Variants in FGGY observed in about 807,000 individuals in gnomAD.
The protein encoded by FGGY is FGGY carbohydrate kinase domain containing.
In FGGY, 72 loss-of-function variants were observed where a neutral mutation model predicts 71.3. The ratio of observed to expected loss-of-function variants is 1.01; its 90% confidence interval spans 0.84 to 1.23. The LOEUF (loss-of-function observed/expected upper bound fraction) is 1.23, where lower values mean the gene tolerates loss of function less well. FGGY is among the 50% of genes most tolerant of loss of function. FGGY has a pLI of 0.00. For missense variants in FGGY, 668 were observed against 682.3 expected (o/e 0.98, Z 0.23); for synonymous variants, 251 against 250.3 (o/e 1.00, Z -0.02).
At chr1:59,521,530 A>G (rs932917102) in intron 7 of FGGY, among the ~76,000 whole-genome samples, 16 of 152,180 alleles carry the variant, frequency 1.1e-4, no homozygotes, top group Admixed American at 2.6e-4. Context: ...TGAACCTGCC[A>G]TGAAACCATA....
chr1:59,424,959 GAA>G (rs1305186741), intron 5 of FGGY, among the ~76,000 whole-genome samples: 1 of 152,190 alleles, frequency 6.6e-6, no homozygotes. Flanking sequence ...TGCTCTATTG[GAA>G]AGAATATGGG....
At chr1:59,672,126 G>A (rs897583080) in intron 13 of FGGY, among the ~76,000 whole-genome samples, 6 of 152,162 alleles carry the variant, frequency 3.9e-5, no homozygotes, top group Admixed American at 1.3e-4. Context: ...ATTCTTCAAC[G>A]GCTTGCAGTG....
At chr1:59,749,936 T>C (rs2098231412) in intron 14 of FGGY, among the ~76,000 whole-genome samples, 1 of 152,230 alleles carries the variant, frequency 6.6e-6, no homozygotes, top group African/African-American at 2.4e-5. Flanking sequence ...GCCCTTTATT[T>C]TCTCTGCTTC....
chr1:59,452,650 G>T (rs961800617), intron 5 of FGGY, among the ~76,000 whole-genome samples: 1 of 152,158 alleles, frequency 6.6e-6, no homozygotes, highest in Non-Finnish European at 1.5e-5. Context: ...TAGGTTTTTA[G>T]TATCTATTCT....
intron 5 of FGGY, among the ~76,000 whole-genome samples, chr1:59,393,721 GT>G (rs1011553399): frequency 6.6e-6 from 1 of 152,124 alleles, no homozygotes; most frequent in East Asian, 1.9e-4. Flanking sequence ...GATTGAATGT[GT>G]TTTTTTGTTG....
intron 8 of FGGY, among the ~76,000 whole-genome samples, chr1:59,590,445 A>C (rs1430560509): frequency 1.3e-5 from 2 of 152,230 alleles, no homozygotes; most frequent in Non-Finnish European, 2.9e-5. Context: ...TTATGAGGCC[A>C]GAATCATCCT....
chr1:59,486,033 T>G (rs1188236), intron 6 of FGGY, among the ~76,000 whole-genome samples: 78,042 of 152,022 alleles, frequency 0.51, 20,672 homozygotes, highest in African/African-American at 0.64. Flanking sequence ...CTAATTATGT[T>G]AGTTGGCCTC....
intron 4 of FGGY, among the ~76,000 whole-genome samples, chr1:59,376,131 C>T (rs1409787223): frequency 6.6e-6 from 1 of 152,158 alleles, no homozygotes; most frequent in Non-Finnish European, 1.5e-5. Flanking sequence ...GTCTCAAAGG[C>T]TACCATTTTC....
At chr1:59,513,621 A>G (rs551537893) in intron 7 of FGGY, among the ~76,000 whole-genome samples, 1 of 152,370 alleles carries the variant, frequency 6.6e-6, no homozygotes, top group East Asian at 1.9e-4. Context: ...TTGTAATTTC[A>G]AATATATCTG....
Position 59,346,302 on chromosome 1 carries a change from T to A in FGGY, c.369T>A (p.Val123=). The A allele has an allele frequency of 6.2e-7, 1 of 1,612,570 alleles. No homozygotes were observed. The highest frequency in any genetic ancestry group is 8.5e-7 in the Non-Finnish European group (1 of 1,179,752). ...MWLDHRAVSQ[V]NRINETKHSV... Reference sequence around the variant, plus strand: ...TGGACCATCGAGCAGTCAGTCAAGTTAACAGGATCAATGAGACCAAGCACA... The same window carrying A: ...TGGACCATCGAGCAGTCAGTCAAGTAAACAGGATCAATGAGACCAAGCACA... The change falls in exon 4 of 16, where the codon GTT becomes GTA. Residue 123 remains valine, a synonymous_variant. Coordinates refer to ENST00000303721, the MANE Select transcript of FGGY (RefSeq NM_018291.5).
chr1:59,548,639 C>T (rs528879435), intron 7 of FGGY, among the ~76,000 whole-genome samples: 1 of 152,288 alleles, frequency 6.6e-6, no homozygotes, highest in Admixed American at 6.5e-5. Context: ...TTAACCTGTA[C>T]CGTTCAATAT....
intron 1 of FGGY, among the ~76,000 whole-genome samples, chr1:59,302,379 A>G (rs57567915): frequency 0.19 from 28,881 of 152,094 alleles, 3,359 homozygotes; most frequent in East Asian, 0.4. Context: ...TTGCAGCACT[A>G]TTCACAATAG....
At chr1:59,651,256 A>T (rs59786209) in intron 11 of FGGY, among the ~76,000 whole-genome samples, 5 of 152,208 alleles carry the variant, frequency 3.3e-5, no homozygotes, top group Non-Finnish European at 5.9e-5. Context: ...GTTCTGTAGA[A>T]GTCTATTAGG....
intron 6 of FGGY, among the ~76,000 whole-genome samples, chr1:59,482,616 G>A (rs2093523066): frequency 9.2e-6 from 1 of 109,206 alleles, no homozygotes; most frequent in Non-Finnish European, 1.9e-5. Context: ...ATACATATGT[G>A]TGTGTGTGTG....
chr1:59,456,842 A>G (rs1351987735), intron 5 of FGGY, 119 bp from the exon 6 acceptor site: 1 of 635,950 alleles, frequency 1.6e-6, no homozygotes, highest in Non-Finnish European at 2.8e-6. Flanking sequence ...GTCATTATCT[A>G]CACTGGCTTA....
intron 8 of FGGY, among the ~76,000 whole-genome samples, chr1:59,589,319 C>G (rs922503117): frequency 1.5e-4 from 23 of 152,152 alleles, no homozygotes. Context: ...GAGACTTAGA[C>G]TCCCACACAA....
intron 11 of FGGY, among the ~76,000 whole-genome samples, chr1:59,649,120 GGTACCA>G (rs1172464985): frequency 6.6e-6 from 1 of 151,804 alleles, no homozygotes; most frequent in Non-Finnish European, 1.5e-5. Flanking sequence ...TCTCTCTTTT[GGTACCA>G]GTACCATGCT....
intron 5 of FGGY, among the ~76,000 whole-genome samples, chr1:59,411,718 G>A (rs1354898640): frequency 6.6e-6 from 1 of 151,998 alleles, no homozygotes; most frequent in African/African-American, 2.4e-5. Flanking sequence ...TTATTTTATT[G>A]TCTGGATTAT....
At chr1:59,612,825 A>G (rs555928331) in intron 9 of FGGY, among the ~76,000 whole-genome samples, 23 of 152,286 alleles carry the variant, frequency 1.5e-4, no homozygotes, top group Admixed American at 3.3e-4. Context: ...ATGGAAAACA[A>G]AAAAAGGCAG....
Sources: allele counts gnomAD v4.1 joint callset (sites outside exome capture counted in the v4.1 genomes callset), GRCh38; gene constraint gnomAD v4.1.1; transcripts MANE v1.5; gene names NCBI Gene and HGNC (gene_info 2026-07-23, HGNC 2026-07-21).